The following NIPA1 variants were observed in gnomAD, a reference collection of about 807,000 sequenced individuals.
The protein encoded by NIPA1 is NIPA magnesium transporter 1, also known as magnesium transporter NIPA1.
Under a neutral mutation model 23.9 loss-of-function variants are expected in NIPA1, and 13 were observed. That is an observed-to-expected ratio of 0.54 (90% CI 0.35 to 0.87). The LOEUF is 0.87. Among genes scored for constraint, NIPA1 ranks in the 40% least tolerant of loss-of-function variants. NIPA1 has a pLI of 0.01. For missense variants in NIPA1, 362 were observed against 429.7 expected (o/e 0.84, Z 1.39); for synonymous variants, 234 against 202.9 (o/e 1.15, Z -1.30).
intron 4 of NIPA1, among the ~76,000 whole-genome samples, chr15:22,822,872 A>G (rs1341761518): frequency 4.6e-5 from 7 of 151,150 alleles, no homozygotes; most frequent in Non-Finnish European, 8.8e-5. Context: ...AATGGTTCCA[A>G]TAGAGGACCA....
chr15:22,791,899 CAT>C (rs1321291241), intron 1 of NIPA1, among the ~76,000 whole-genome samples: 2 of 151,752 alleles, frequency 1.3e-5, no homozygotes, highest in Non-Finnish European at 2.9e-5. Context: ...TTTTGGATGA[CAT>C]AGTCCAGGGA....
chr15:22,789,445 C>G (rs1018657678), intron 1 of NIPA1, among the ~76,000 whole-genome samples: 3 of 152,170 alleles, frequency 2.0e-5, no homozygotes, highest in African/African-American at 7.2e-5. Context: ...GGTCTGGACC[C>G]AAGGTCCTTT....
At chr15:22,796,100 T>C (rs1894934428) in intron 1 of NIPA1, among the ~76,000 whole-genome samples, 2 of 151,886 alleles carry the variant, frequency 1.3e-5, no homozygotes, top group South Asian at 4.2e-4. Flanking sequence ...ATATATTTTT[T>C]TTTTAGAGAC....
In NIPA1 at chr15:22,824,298, G is replaced by C. The variant is rs2140878178; in HGVS notation, c.*59G>C. The C allele has an allele frequency of 7.1e-7, 1 of 1,399,688 alleles. No individual in the cohort carries two copies. Among genetic ancestry groups the C allele is most frequent in the Non-Finnish European group, 1.0e-6 (1 of 985,804 alleles). 86.7% of individuals were successfully genotyped at this position (1,399,688 alleles called of 1,614,324 possible). On this transcript the variant is annotated 3_prime_UTR_variant, in exon 5 of 5. Coordinates refer to ENST00000337435, the MANE Select transcript of NIPA1 (RefSeq NM_144599.5). This position sits in a 1 kb window ranked among gnomAD's most constrained non-coding sequence, Gnocchi z 4.1. ...GGCATTGGAGGTGGTTTCTGGCCGT[G>C]ATTGGATGTGAAGTAGAAGAGGTCC...
chr15:22,798,672 C>A (rs1446554605), intron 1 of NIPA1, among the ~76,000 whole-genome samples: 11 of 149,802 alleles, frequency 7.3e-5, no homozygotes, highest in East Asian at 2.0e-4. Context: ...CACGGTGAAT[C>A]CCCGTCTCTA....
chr15:22,786,550 C>T (rs2140840922), upstream of NIPA1: 1 of 235,998 alleles, frequency 4.2e-6, no homozygotes, highest in Non-Finnish European at 7.0e-6. Context: ...CTGCTCCTCC[C>T]CCACCCGTCC....
rs199818530 is a variant in NIPA1 at position 22,812,227 on chromosome 15, C to G, written c.291C>G (p.Pro97=). 1.2e-4 allele frequency: 201 copies of G among 1,613,616 alleles called. No homozygotes were observed. The highest frequency in any genetic ancestry group is 3.3e-4 in the East Asian group (15 of 44,888). Residue 97 remains proline (P), a synonymous_variant, in exon 3 of 5, where the codon CCC becomes CCG. Transcript: ENST00000337435. ...YTAVPTVLVT[P]LGALGVPFGS... is the part of the protein sequence containing the mutation. ...CGGTCCCCACGGTCCTGGTAACCCC[C>G]CTGGGCGCCCTTGGAGTACCGTTCG...
At chr15:22,816,361 G>A (rs536859798) in intron 3 of NIPA1, among the ~76,000 whole-genome samples, 1 of 150,014 alleles carries the variant, frequency 6.7e-6, no homozygotes, top group East Asian at 2.0e-4. Context: ...GCTAATTTTT[G>A]TATTTTTAGT....
chr15:22,786,646 G>A lies in NIPA1; in HGVS notation c.-11G>A. The A allele has an allele frequency of 3.0e-6, 3 of 1,012,546 alleles. No individual in the cohort carries two copies. The highest frequency in any genetic ancestry group is 3.6e-6 in the Non-Finnish European group (3 of 841,370). The allele number at this position is 1,012,546 out of a possible 1,614,324, so 62.7% of individuals were successfully genotyped here. A position where few individuals can be genotyped will look rare whatever the true frequency, so the allele number is the denominator to read the frequency against. On this transcript the variant is annotated 5_prime_UTR_variant, in exon 1 of 5. Coordinates refer to ENST00000337435, the MANE Select transcript of NIPA1 (RefSeq NM_144599.5). ...GCGCAGGCGCAGGCTCGGAGGGCGG[G>A]CGCGGGCGGAATGGGGACTGCAGCT...
chr15:22,787,143 G>C (rs1313441741), intron 1 of NIPA1, among the ~76,000 whole-genome samples: 2 of 152,004 alleles, frequency 1.3e-5, no homozygotes, highest in African/African-American at 4.8e-5. Context: ...GGGCTTCCCC[G>C]GCTGACTTTT....
chr15:22,797,357 C>T (rs1234509747), intron 1 of NIPA1, among the ~76,000 whole-genome samples: 1 of 150,676 alleles, frequency 6.6e-6, no homozygotes, highest in Non-Finnish European at 1.5e-5. Flanking sequence ...CTACAGGCGC[C>T]CGCCATCACA....
Position 22,794,941 on chromosome 15 carries a change from C to T in NIPA1, c.178+8107C>T, listed in dbSNP as rs150198855. 3.5e-4 allele frequency among the ~76,000 whole-genome samples: 53 copies of T among 152,248 alleles called. 1 individual carries two copies. The highest frequency in any genetic ancestry group is 1.3e-3 in the African/African-American group (53 of 41,542). On this transcript the variant is annotated intron_variant, in intron 1 of 4. Coordinates refer to ENST00000337435, the MANE Select transcript of NIPA1 (RefSeq NM_144599.5). The stretch of plus-strand genomic sequence containing the variant: ...CCTATTCACTCATTTGCATTCCCCC[C>T]CATCCCAGCTCTTCCAGGGCTGTCA...
At chr15:22,801,366 C>T (rs976274530) in intron 1 of NIPA1, among the ~76,000 whole-genome samples, 6 of 151,926 alleles carry the variant, frequency 3.9e-5, no homozygotes, top group Admixed American at 1.3e-4. Context: ...ATCAAGGAGT[C>T]GGCCAGCTTG....
chr15:22,827,113 A>G lies in NIPA1; in HGVS notation c.*2874A>G, dbSNP rs1057073960. ...TCATTATCATACTATTCTTTGAAAAAAAAGATGCTTACTGTATACTTGTTT... is the reference window on the plus strand; with the variant it reads ...TCATTATCATACTATTCTTTGAAAAGAAAGATGCTTACTGTATACTTGTTT... On this transcript the variant is annotated 3_prime_UTR_variant, in exon 5 of 5. Transcript: ENST00000337435. 5 of 152,160 alleles carry G rather than the reference A, an allele frequency of 3.3e-5. No individual in the cohort carries two copies. The highest frequency in any genetic ancestry group is 1.2e-4 in the African/African-American group (5 of 41,434). 9.4% of individuals were successfully genotyped at this position (152,160 alleles called of 1,614,324 possible). A position where few individuals can be genotyped will look rare whatever the true frequency, so the allele number is the denominator to read the frequency against.
chr15:22,815,651 G>C (rs76429335), intron 3 of NIPA1, among the ~76,000 whole-genome samples: 3,525 of 119,956 alleles, frequency 0.029, 137 homozygotes, highest in African/African-American at 0.1. Flanking sequence ...AAAAGATAAA[G>C]CTCATTAAAA....
At chr15:22,819,408 T>C (rs1184129023) in intron 3 of NIPA1, 1 of 152,210 alleles carries the variant, frequency 6.6e-6, no homozygotes, top group African/African-American at 2.4e-5. Flanking sequence ...GTCCTGTGAC[T>C]TACTGAGGGC....
intron 1 of NIPA1, among the ~76,000 whole-genome samples, chr15:22,798,019 T>C (rs773256792): frequency 3.3e-5 from 5 of 151,582 alleles, no homozygotes; most frequent in Non-Finnish European, 7.4e-5. Flanking sequence ...TAATTTCTTT[T>C]TGTATTTTTA....
At chr15:22,801,551 T>C (rs1187277155) in intron 1 of NIPA1, among the ~76,000 whole-genome samples, 2 of 145,042 alleles carry the variant, frequency 1.4e-5, no homozygotes, top group African/African-American at 5.2e-5. Context: ...AGTCTTGCTC[T>C]GTCACCCAGG....
chr15:22,797,227 T>C lies in NIPA1; in HGVS notation c.178+10393T>C, dbSNP rs1438553601. ...GCTAATATATTTGGGTTTTTTTTTT[T>C]TGGACGGAGTCTCGCTCTGTTGCCC... On this transcript the variant is annotated intron_variant, in intron 1 of 4. Coordinates refer to ENST00000337435, the MANE Select transcript of NIPA1 (RefSeq NM_144599.5). 6.6e-5 allele frequency among the ~76,000 whole-genome samples: 10 copies of C among 151,678 alleles called. No individual in the cohort carries two copies. The East Asian group carries it at 1.9e-3, about 29-fold the overall frequency.
Sources: gnomAD v4.1 joint callset for allele counts (sites outside exome capture counted in the v4.1 genomes callset) on GRCh38, gnomAD v4.1.1 for gene constraint, Gnocchi (gnomAD v3.1) non-coding constraint, MANE v1.5 for transcripts, NCBI Gene and HGNC (gene_info 2026-07-23, HGNC 2026-07-21) for gene names.